Variants in WIPF1 observed in about 807,000 individuals in gnomAD.
The protein encoded by WIPF1 is WAS/WASL-interacting protein family member 1.
WIPF1 carries 13 observed loss-of-function variants against 35.4 expected under a neutral mutation model. The ratio of observed to expected loss-of-function variants is 0.37; its 90% CI spans 0.24 to 0.58. WIPF1 has a LOEUF of 0.58. WIPF1 is among the 20% of genes least tolerant of loss of function. WIPF1 has a pLI of 0.74. For synonymous variants in WIPF1, 267 were observed against 266.3 expected (o/e 1.00, Z -0.02); for missense variants, 591 against 667.0 (o/e 0.89, Z 1.25).
chr2:174,579,427 C>T (rs1685165821), intron 3 of WIPF1, among the ~76,000 whole-genome samples: 1 of 152,194 alleles, frequency 6.6e-6, no homozygotes, highest in South Asian at 2.1e-4. Context: ...AGTTATCACA[C>T]ATAACCATGG....
intron 1 of WIPF1, among the ~76,000 whole-genome samples, chr2:174,677,871 G>GT (rs1688169527): frequency 6.6e-6 from 1 of 152,204 alleles, no homozygotes; most frequent in Admixed American, 6.5e-5. Flanking sequence ...TAAGGCTGAT[G>GT]TTGAAATTAA....
chr2:174,668,725 C>T (rs574695525), intron 1 of WIPF1, among the ~76,000 whole-genome samples: 1 of 152,238 alleles, frequency 6.6e-6, no homozygotes. Context: ...GCCCTTTCCA[C>T]AGTGGATCAG....
chr2:174,579,166 C>T (rs144663198), intron 3 of WIPF1, among the ~76,000 whole-genome samples: 2,631 of 152,180 alleles, frequency 0.017, 42 homozygotes, highest in Non-Finnish European at 0.026. Context: ...TACAGGCATG[C>T]GCCACCACAC....
At chr2:174,567,248 A>AAGGCACAGAATGAAAGAGAGAGAG (rs1684690883) in intron 6 of WIPF1, 65 bp from the exon 7 acceptor site, 47 of 1,430,358 alleles carry the variant, frequency 3.3e-5, no homozygotes, top group Non-Finnish European at 4.6e-5. Flanking sequence ...TACGTAACGA[A>AAGGCACAGAATGAAAGAGAGAGAG]AGGCACAGAA....
intron 1 of WIPF1, among the ~76,000 whole-genome samples, chr2:174,641,197 CAGA>C (rs1239532107): frequency 1.3e-5 from 2 of 152,322 alleles, no homozygotes; most frequent in African/African-American, 4.8e-5. Flanking sequence ...TATCCATGTG[CAGA>C]AGGATGAGGG....
chr2:174,564,861 G>C (rs965309980), intron 7 of WIPF1, among the ~76,000 whole-genome samples: 1 of 143,340 alleles, frequency 7.0e-6, no homozygotes, highest in African/African-American at 2.6e-5. Flanking sequence ...ACCATTCAAA[G>C]ATATCTGTCC....
At chr2:174,649,573 A>G (rs1243137349) in intron 1 of WIPF1, among the ~76,000 whole-genome samples, 1 of 152,034 alleles carries the variant, frequency 6.6e-6, no homozygotes, top group East Asian at 1.9e-4. Context: ...TGCCTTTCCC[A>G]AGGAAACCCC....
At chr2:174,612,297 G>A (rs1165733232) in intron 1 of WIPF1, among the ~76,000 whole-genome samples, 1 of 151,980 alleles carries the variant, frequency 6.6e-6, no homozygotes, top group Non-Finnish European at 1.5e-5. Context: ...ATTTAAAATG[G>A]GATCATACTT....
chr2:174,598,791 G>A (rs556634118), upstream of WIPF1, among the ~76,000 whole-genome samples: 17 of 152,222 alleles, frequency 1.1e-4, no homozygotes, highest in Non-Finnish European at 2.4e-4. Context: ...GATAAAGAGG[G>A]TGGAAGGAAG....
At chr2:174,586,873 G>C (rs1169060475) in intron 1 of WIPF1, among the ~76,000 whole-genome samples, 1 of 152,164 alleles carries the variant, frequency 6.6e-6, no homozygotes, top group Admixed American at 6.6e-5. Flanking sequence ...TGATTCATAC[G>C]CACTAAAGCC....
intron 1 of WIPF1, among the ~76,000 whole-genome samples, chr2:174,609,062 G>A (rs543536556): frequency 1.3e-5 from 2 of 152,308 alleles, no homozygotes; most frequent in Admixed American, 1.3e-4. Context: ...AGCTGCCTGG[G>A]AGAGGCAGAC....
At chr2:174,675,711 A>G (rs1688114729) in intron 1 of WIPF1, among the ~76,000 whole-genome samples, 1 of 152,172 alleles carries the variant, frequency 6.6e-6, no homozygotes, top group South Asian at 2.1e-4. Flanking sequence ...GCAAAAACAT[A>G]GAAGCAAAGA....
At chr2:174,637,220 ATACTCC>A (rs1244898190) in intron 1 of WIPF1, among the ~76,000 whole-genome samples, 1 of 151,760 alleles carries the variant, frequency 6.6e-6, no homozygotes, top group Non-Finnish European at 1.5e-5. Flanking sequence ...CTCCTTTGAC[ATACTCC>A]TATCAATTTT....
At chr2:174,573,714 G>A (rs1485541102) in intron 4 of WIPF1, among the ~76,000 whole-genome samples, 1 of 152,136 alleles carries the variant, frequency 6.6e-6, no homozygotes, top group Non-Finnish European at 1.5e-5. Flanking sequence ...ATGTGCCCGG[G>A]GCACAGTGAG....
upstream of WIPF1, among the ~76,000 whole-genome samples, chr2:174,602,340 T>A (rs1686035430): frequency 6.6e-6 from 1 of 152,238 alleles, no homozygotes; most frequent in Non-Finnish European, 1.5e-5. Context: ...ACTGAATCAG[T>A]GCAACAGTGG....
intron 1 of WIPF1, among the ~76,000 whole-genome samples, chr2:174,681,441 G>A (rs1167014889): frequency 6.6e-6 from 1 of 152,198 alleles, no homozygotes; most frequent in Admixed American, 6.5e-5. Context: ...CTCACCTCAA[G>A]AACCTAAAAG....
intron 1 of WIPF1, among the ~76,000 whole-genome samples, chr2:174,639,928 T>C (rs1687262075): frequency 6.6e-6 from 1 of 152,152 alleles, no homozygotes. Flanking sequence ...CTGCATGTCC[T>C]ATCTAAAGCA....
chr2:174,572,034 G>A lies in WIPF1; in HGVS notation c.771C>T (p.Ser257=), dbSNP rs1246435193. 6.5e-7 allele frequency: 1 copy of A among 1,549,026 alleles called. No homozygotes were observed. Among genetic ancestry groups the A allele is most frequent in the Admixed American group, 2.0e-5 (1 of 49,934 alleles). The stretch of plus-strand genomic sequence containing the variant: ...GAGGGGGTTTGTCATCCAAGGCCCT[G>A]CTGGGGGTAGGCGGCAGGGGAGGCC... The part of the protein sequence containing the change: ...SNRPPLPPTP[S]RALDDKPPPP... Residue 257 remains serine (S), a synonymous_variant, in exon 5 of 8, where the codon AGC becomes AGT. Transcript: ENST00000679041.
intron 1 of WIPF1, among the ~76,000 whole-genome samples, chr2:174,668,195 A>G (rs1687932407): frequency 6.6e-6 from 1 of 152,158 alleles, no homozygotes; most frequent in South Asian, 2.1e-4. Flanking sequence ...ATTTTATGCA[A>G]TCTCAGGCAG....
Sources: gnomAD v4.1 joint callset for allele counts (sites outside exome capture counted in the v4.1 genomes callset) on GRCh38, gnomAD v4.1.1 for gene constraint, MANE v1.5 for transcripts, NCBI Gene and HGNC (gene_info 2026-07-23, HGNC 2026-07-21) for gene names.